The following CEP85L variants were observed in gnomAD, a reference collection of about 807,000 sequenced individuals.
The protein encoded by CEP85L is centrosomal protein 85L.
Under a neutral mutation model 100.3 loss-of-function variants are expected in CEP85L, and 60 were observed. The observed-to-expected ratio is 0.60, with a 90% CI of 0.49 to 0.74. The LOEUF (loss-of-function observed/expected upper bound fraction) is 0.74. Among genes scored for constraint, CEP85L ranks in the 30% least tolerant of loss-of-function variants. The pLI, the probability that CEP85L is intolerant of heterozygous loss-of-function variation, is 0.00. For synonymous variants in CEP85L, 319 were observed against 322.7 expected, an observed-to-expected ratio of 0.99 and a Z score of 0.12; for missense variants, 973 against 936.2, an observed-to-expected ratio of 1.04 and a Z score of -0.51.
intron 7 of CEP85L, among the ~76,000 whole-genome samples, chr6:118,482,917 A>C (rs558280315): frequency 6.6e-6 from 1 of 152,306 alleles, no homozygotes; most frequent in African/African-American, 2.4e-5. Flanking sequence ...AGTGGGGGTA[A>C]CTTTACCCCC....
At chr6:118,634,841 A>AT (rs1018238047) in intron 1 of CEP85L, among the ~76,000 whole-genome samples, 81 of 151,824 alleles carry the variant, frequency 5.3e-4, no homozygotes, top group Non-Finnish European at 8.1e-4. Context: ...CTGGATAATT[A>AT]TTTTTTTTTA....
At chr6:118,605,762 C>G (rs993296326) in intron 2 of CEP85L, among the ~76,000 whole-genome samples, 1 of 152,130 alleles carries the variant, frequency 6.6e-6, no homozygotes, top group African/African-American at 2.4e-5. Flanking sequence ...CCTGTAATCC[C>G]AGCACTTTGA....
At chr6:118,516,079 T>A (rs1403567225) in intron 4 of CEP85L, among the ~76,000 whole-genome samples, 1 of 152,364 alleles carries the variant, frequency 6.6e-6, no homozygotes, top group East Asian at 1.9e-4. Context: ...TGACATGAAC[T>A]CATCCGTTTT....
chr6:118,517,766 A>G (rs1776368086), intron 4 of CEP85L, among the ~76,000 whole-genome samples: 1 of 152,152 alleles, frequency 6.6e-6, no homozygotes, highest in South Asian at 2.1e-4. Flanking sequence ...AGAACTTCCA[A>G]TGCTATGTTG....
chr6:118,558,642 CACACACACACACACACACAG>C (rs1271371434), intron 3 of CEP85L, among the ~76,000 whole-genome samples: 37 of 139,982 alleles, frequency 2.6e-4, no homozygotes, highest in African/African-American at 1.0e-3. Context: ...CACACACACA[CACACACACACACACACACAG>C]AGAGAGAGAG....
chr6:118,658,776 T>A (rs1775878501), intron 1 of CEP85L, among the ~76,000 whole-genome samples: 1 of 152,144 alleles, frequency 6.6e-6, no homozygotes, highest in South Asian at 2.1e-4. Flanking sequence ...CATTTAACTA[T>A]TTTGCTTATA....
chr6:118,671,738 C>A (rs1237334913), intron 1 of CEP85L, among the ~76,000 whole-genome samples: 1 of 151,938 alleles, frequency 6.6e-6, no homozygotes, highest in Non-Finnish European at 1.5e-5. Flanking sequence ...AGGAGTTCGA[C>A]ACCAGCCTGG....
At chr6:118,601,312 A>G (rs1781776490) in intron 2 of CEP85L, among the ~76,000 whole-genome samples, 1 of 152,136 alleles carries the variant, frequency 6.6e-6, no homozygotes, top group Admixed American at 6.5e-5. Context: ...CGCATTTCCC[A>G]CCTTTGCTCA....
At chr6:118,647,262 AT>A (rs1269158703) in intron 1 of CEP85L, among the ~76,000 whole-genome samples, 1 of 152,220 alleles carries the variant, frequency 6.6e-6, no homozygotes, top group Admixed American at 6.5e-5. Flanking sequence ...AACAAATGAC[AT>A]TTTTTCAGCT....
At chr6:118,661,784 G>A (rs1322483751) in intron 1 of CEP85L, among the ~76,000 whole-genome samples, 1 of 152,178 alleles carries the variant, frequency 6.6e-6, no homozygotes, top group Non-Finnish European at 1.5e-5. Flanking sequence ...AAAAAATAGA[G>A]AAGGAAGACA....
chr6:118,463,684 T>C lies in CEP85L; in HGVS notation c.*1721A>G, dbSNP rs184551942. 6 of 152,226 alleles carry C rather than the reference T, an allele frequency of 3.9e-5. No individual in the cohort carries two copies. Among genetic ancestry groups the C allele is most frequent in the African/African-American group, 1.4e-4 (6 of 41,566 alleles). The allele number at this position is 152,226 out of a possible 1,614,324, so 9.4% of individuals were successfully genotyped here. ...GCACTACAATGTACTTACTGATTTC[T>C]TAGTGCCCAGATTCTCAGAAGTAAG... On this transcript the variant is annotated 3_prime_UTR_variant, in exon 13 of 13. Coordinates refer to ENST00000368491, the MANE Select transcript of CEP85L (RefSeq NM_001042475.3).
intron 3 of CEP85L, chr6:118,559,863 T>C (rs563461651): frequency 1.2e-5 from 2 of 167,306 alleles, no homozygotes; most frequent in East Asian, 3.9e-4. Flanking sequence ...ATTAGTCATA[T>C]CACTAATATA....
In CEP85L at chr6:118,479,913, G is replaced by A. The variant is rs753954777; in HGVS notation, c.1872C>T (p.Asp624=). ...QQNETASKII[D]SQQDEIDRMI... ...TTCTGTCAATCTCATCTTGTTGGCT[G>A]TCTATTATCTAAAACAAAATAAATA... Residue 624 remains aspartate, a synonymous_variant, in exon 10 of 13, where the codon GAC becomes GAT. Transcript: ENST00000368491. The A allele has an allele frequency of 1.4e-6, 2 of 1,478,848 alleles. No individual in the cohort carries two copies. Among genetic ancestry groups the A allele is most frequent in the South Asian group, 1.2e-5 (1 of 80,266 alleles). The allele number at this position is 1,478,848 out of a possible 1,614,324, so 91.6% of individuals were successfully genotyped here. A position where few individuals can be genotyped will look rare whatever the true frequency, so the allele number is the denominator to read the frequency against.
chr6:118,583,693 T>A (rs6569021), intron 2 of CEP85L, among the ~76,000 whole-genome samples: 103,390 of 152,040 alleles, frequency 0.68, 35,865 homozygotes, highest in Middle Eastern at 0.74. Context: ...CTAAGGCCAG[T>A]GGCTAGGAAA....
chr6:118,576,134 C>A (rs920267574), intron 2 of CEP85L, among the ~76,000 whole-genome samples: 1 of 152,156 alleles, frequency 6.6e-6, no homozygotes, highest in Non-Finnish European at 1.5e-5. Context: ...ATCACCTAAC[C>A]AAATTAATTC....
chr6:118,472,280 T>C (rs1021832435), intron 10 of CEP85L, among the ~76,000 whole-genome samples: 1 of 152,054 alleles, frequency 6.6e-6, no homozygotes, highest in Non-Finnish European at 1.5e-5. Context: ...ATCTTCTCCA[T>C]CAGAAAAACT....
intron 1 of CEP85L, among the ~76,000 whole-genome samples, chr6:118,676,764 T>C (rs1239606468): frequency 2.6e-5 from 4 of 152,216 alleles, no homozygotes; most frequent in Non-Finnish European, 5.9e-5. Context: ...AGCCTCCATA[T>C]TATTTTCCAT....
At chr6:118,581,287 G>A (rs1780563162) in intron 2 of CEP85L, among the ~76,000 whole-genome samples, 1 of 152,104 alleles carries the variant, frequency 6.6e-6, no homozygotes, top group South Asian at 2.1e-4. Flanking sequence ...GGGATTTTAA[G>A]TCTGGAAGTT....
intron 3 of CEP85L, among the ~76,000 whole-genome samples, chr6:118,541,792 G>C (rs1777913190): frequency 6.6e-6 from 1 of 152,154 alleles, no homozygotes; most frequent in Non-Finnish European, 1.5e-5. Flanking sequence ...AATTTCTTTA[G>C]TTGCTTAGTT....
Sources: gnomAD v4.1 joint callset for allele counts (sites outside exome capture counted in the v4.1 genomes callset) on GRCh38, gnomAD v4.1.1 for gene constraint, MANE v1.5 for transcripts, NCBI Gene and HGNC (gene_info 2026-07-23, HGNC 2026-07-21) for gene names.